MORN4: variants seen among roughly 807,000 people sequenced by gnomAD.
The protein encoded by MORN4 is MORN repeat-containing protein 4.
Under a neutral mutation model 16.4 loss-of-function variants are expected in MORN4, and 8 were observed. That is an observed-to-expected ratio of 0.49 (90% confidence interval 0.29 to 0.88). MORN4 has a LOEUF of 0.88. Among genes scored for constraint, MORN4 ranks in the 40% least tolerant of loss-of-function variants. MORN4 has a pLI of 0.09. For missense variants in MORN4, 159 were observed against 182.9 expected, an observed-to-expected ratio of 0.87 and a Z score of 0.75; for synonymous variants, 53 against 68.9, an observed-to-expected ratio of 0.77 and a Z score of 1.14.
intron 1 of MORN4, among the ~76,000 whole-genome samples, chr10:97,625,362 G>A (rs1283743533): frequency 2.0e-5 from 3 of 152,178 alleles, no homozygotes; most frequent in African/African-American, 4.8e-5. Context: ...CTCCTCATCT[G>A]TAAAGTGGAG....
chr10:97,615,030 G>T lies in MORN4; in HGVS notation c.*1233C>A, dbSNP rs2041224469. 1 of 152,560 alleles carries T rather than the reference G, an allele frequency of 6.6e-6. No homozygotes were observed. Among genetic ancestry groups the T allele is most frequent in the African/African-American group, 2.4e-5 (1 of 41,406 alleles). 9.5% of individuals were successfully genotyped at this position (152,560 alleles called of 1,614,324 possible). ...AGTTAGTCACAAATACAAGTAATAA[G>T]ATTACTGTTTACATGAGTTTTTTTC... On this transcript the variant is annotated 3_prime_UTR_variant, in exon 5 of 5. Coordinates refer to ENST00000307450, the MANE Select transcript of MORN4 (RefSeq NM_178832.4).
At chr10:97,617,345 G>A (rs2041245517) in intron 2 of MORN4, 23 bp from the exon 3 acceptor site, 1 of 1,604,174 alleles carries the variant, frequency 6.2e-7, no homozygotes, top group Non-Finnish European at 8.5e-7. Flanking sequence ...AAGGATAGGT[G>A]TCAGGTTGGA....
chr10:97,629,318 G>A (rs1236857609), intron 1 of MORN4, among the ~76,000 whole-genome samples: 3 of 152,304 alleles, frequency 2.0e-5, no homozygotes, highest in East Asian at 3.9e-4. Flanking sequence ...CCCAGGAGGC[G>A]GAGGTTGAAG....
At chr10:97,627,542 C>T (rs1402369875) in intron 1 of MORN4, among the ~76,000 whole-genome samples, 3 of 152,220 alleles carry the variant, frequency 2.0e-5, no homozygotes, top group Non-Finnish European at 4.4e-5. Context: ...ACATCTTCTA[C>T]GCCCTGGCTC....
intron 2 of MORN4, among the ~76,000 whole-genome samples, chr10:97,617,719 G>A (rs942359395): frequency 1.3e-5 from 2 of 152,228 alleles, no homozygotes; most frequent in Admixed American, 6.5e-5. Flanking sequence ...AATTAGCTGG[G>A]TGTAGTGGCG....
At chr10:97,628,956 G>T (rs2041372060) in intron 1 of MORN4, among the ~76,000 whole-genome samples, 1 of 152,224 alleles carries the variant, frequency 6.6e-6, no homozygotes, top group Non-Finnish European at 1.5e-5. Flanking sequence ...TTTCCAAGAT[G>T]TTTGCAACAG....
At chr10:97,628,364 T>A (rs1446399782) in intron 1 of MORN4, among the ~76,000 whole-genome samples, 4 of 152,164 alleles carry the variant, frequency 2.6e-5, no homozygotes, top group African/African-American at 9.7e-5. Flanking sequence ...TACTGCCTTG[T>A]ATTTATTTAC....
chr10:97,622,661 T>C (rs1250631938), intron 1 of MORN4, among the ~76,000 whole-genome samples: 1 of 126,772 alleles, frequency 7.9e-6, no homozygotes, highest in African/African-American at 3.3e-5. Context: ...GCCACGACAC[T>C]CCAGCCTGGG....
At position 97,617,320 on chromosome 10, in the gene MORN4, G is replaced by A. The variant is rs551641540; in HGVS notation, c.70C>T (p.Arg24Cys). The change falls in exon 3 of 5, where the codon CGC (arginine) becomes TGC (cysteine). Residue 24 changes from arginine (R) to cysteine (C), a missense_variant and splice_region_variant. Physicochemically the swap from Arg to Cys is radical, Grantham distance 180. Coordinates refer to ENST00000307450, the MANE Select transcript of MORN4 (RefSeq NM_178832.4). The stretch of plus-strand genomic sequence containing the variant: ...ATCAGTTGACCAAAACCATGCCTGC[G>A]GCCTGAACAAAGAGAAGGATAGGTG... Reference protein sequence around the residue: ...EEYRGEWKEGRRHGFGQLMFA... With the variant: ...EEYRGEWKEGCRHGFGQLMFA... 1.2e-5 allele frequency: 19 copies of A among 1,613,842 alleles called. No individual in the cohort carries two copies. The highest frequency in any genetic ancestry group is 6.6e-5 in the South Asian group (6 of 91,072).
At chr10:97,628,864 TG>T (rs1329809346) in intron 1 of MORN4, among the ~76,000 whole-genome samples, 1 of 152,200 alleles carries the variant, frequency 6.6e-6, no homozygotes, top group African/African-American at 2.4e-5. Flanking sequence ...TGTTAGCTCT[TG>T]GGGATTATAC....
chr10:97,633,350 G>A lies in MORN4; in HGVS notation c.-34C>T. 1 of 1,289,734 alleles carries A rather than the reference G, an allele frequency of 7.8e-7. No individual in the cohort carries two copies. The highest frequency in any genetic ancestry group is 1.0e-6 in the Non-Finnish European group (1 of 988,878). 79.9% of individuals were successfully genotyped at this position (1,289,734 alleles called of 1,614,324 possible). ...CCCTCCTGCGCCTCCAGCCAACCTG[G>A]GGCCGGCCTTTCGGGATGACCGTCA... On this transcript the variant is annotated 5_prime_UTR_variant, in exon 1 of 5. Transcript: ENST00000307450. The surrounding 1 kb of genome is among the most constrained non-coding windows in gnomAD (Gnocchi z 4.5).
Position 97,615,125 on chromosome 10 carries a change from C to T in MORN4, c.*1138G>A, listed in dbSNP as rs988445147. 7 of 152,586 alleles carry T rather than the reference C, an allele frequency of 4.6e-5. No individual in the cohort carries two copies. The highest frequency in any genetic ancestry group is 1.7e-4 in the African/African-American group (7 of 41,426). 9.5% of individuals were successfully genotyped at this position (152,586 alleles called of 1,614,324 possible). A position where few individuals can be genotyped will look rare whatever the true frequency, so the allele number is the denominator to read the frequency against. ...GAGAGGCACACATGGGGATTATCTGCTCTAAGTTGATGAAAGAAGACAGCC... is the reference window on the plus strand; with the variant it reads ...GAGAGGCACACATGGGGATTATCTGTTCTAAGTTGATGAAAGAAGACAGCC... On this transcript the variant is annotated 3_prime_UTR_variant, in exon 5 of 5. Transcript: ENST00000307450.
intron 2 of MORN4, 70 bp from the exon 3 acceptor site, chr10:97,617,392 C>T: frequency 9.1e-7 from 1 of 1,096,174 alleles, no homozygotes. Flanking sequence ...ACTCTTGTAG[C>T]ATCCCTTACC....
At chr10:97,625,430 G>T (rs1589921875) in intron 1 of MORN4, among the ~76,000 whole-genome samples, 1 of 152,208 alleles carries the variant, frequency 6.6e-6, no homozygotes, top group Non-Finnish European at 1.5e-5. Context: ...CTGAGAGTCA[G>T]TGGGTGACAG....
chr10:97,633,492 G>T lies in MORN4; in HGVS notation c.-176C>A. 7.8e-7 allele frequency: 1 copy of T among 1,289,824 alleles called. No homozygotes were observed. Among genetic ancestry groups the T allele is most frequent in the Non-Finnish European group, 1.0e-6 (1 of 988,834 alleles). 79.9% of individuals were successfully genotyped at this position (1,289,824 alleles called of 1,614,324 possible). A position where few individuals can be genotyped will look rare whatever the true frequency, so the allele number is the denominator to read the frequency against. ...CCCACTTGACGCCGCCATCCTGGGCGACCGCACTGGGTACAATTCCCGCTG... is the reference window on the plus strand; with the variant it reads ...CCCACTTGACGCCGCCATCCTGGGCTACCGCACTGGGTACAATTCCCGCTG... On this transcript the variant is annotated 5_prime_UTR_variant, in exon 1 of 5. Transcript: ENST00000307450. The surrounding 1 kb of genome is among the most constrained non-coding windows in gnomAD (Gnocchi z 4.5).
intron 1 of MORN4, among the ~76,000 whole-genome samples, chr10:97,630,987 A>G (rs564597015): frequency 6.6e-6 from 1 of 152,192 alleles, no homozygotes; most frequent in South Asian, 2.1e-4. Flanking sequence ...AGTAGCTGGG[A>G]CTACAGGAGC....
intron 1 of MORN4, among the ~76,000 whole-genome samples, chr10:97,626,908 C>A (rs1204028787): frequency 6.6e-6 from 1 of 151,852 alleles, no homozygotes; most frequent in East Asian, 1.9e-4. Context: ...CAGGCCCCTG[C>A]CACCACGCCC....
In MORN4 at chr10:97,633,468, C is replaced by T. The variant is rs772634666; in HGVS notation, c.-152G>A. On this transcript the variant is annotated 5_prime_UTR_variant, in exon 1 of 5. Transcript: ENST00000307450. This position sits in a 1 kb window ranked among gnomAD's most constrained non-coding sequence, Gnocchi z 4.5. ...TCCGCCACCTCCACCAGCGATTGCC[C>T]CACTTGACGCCGCCATCCTGGGCGA... The T allele has an allele frequency of 3.9e-6, 5 of 1,289,884 alleles. No homozygotes were observed. Among genetic ancestry groups the T allele is most frequent in the South Asian group, 1.2e-5 (1 of 81,038 alleles). The allele number at this position is 1,289,884 out of a possible 1,614,324, so 79.9% of individuals were successfully genotyped here.
At position 97,617,272 on chromosome 10, in the gene MORN4, G is replaced by C. The variant is rs1198663691; in HGVS notation, c.118C>G (p.Leu40Val). The C allele has an allele frequency of 6.2e-7, 1 of 1,614,154 alleles. No individual in the cohort carries two copies. Among genetic ancestry groups the C allele is most frequent in the East Asian group, 2.2e-5 (1 of 44,882 alleles). ...QLMFADGGTY[L>V]GHFENGLFNG... ...AAGAGCCCATTCTCAAAATGACCCA[G>C]GTAGGTGCCACCATCTGCAAACATC... is the stretch of plus-strand genomic sequence containing the variant. The change falls in exon 3 of 5, where the codon CTG becomes GTG. Residue 40 changes from leucine (L) to valine (V), a missense_variant. Coordinates refer to ENST00000307450, the MANE Select transcript of MORN4 (RefSeq NM_178832.4).
Sources: gnomAD v4.1 joint callset for allele counts (sites outside exome capture counted in the v4.1 genomes callset) on GRCh38, gnomAD v4.1.1 for gene constraint, Gnocchi (gnomAD v3.1) non-coding constraint, MANE v1.5 for transcripts, NCBI Gene and HGNC (gene_info 2026-07-23, HGNC 2026-07-21) for gene names.